OR5J2: variants seen among roughly 807,000 people sequenced by gnomAD.
OR5J2 encodes olfactory receptor 5J2.
Under a neutral mutation model 6.7 loss-of-function variants are expected in OR5J2, and 4 were observed. The observed-to-expected ratio is 0.60, with a 90% CI of 0.29 to 1.37. OR5J2 has a LOEUF of 1.37. OR5J2 is among the 40% of genes most tolerant of loss of function. The pLI is 0.09. For synonymous variants in OR5J2, 174 were observed against 140.4 expected, an observed-to-expected ratio of 1.24 and a Z score of -1.69; for missense variants, 415 against 366.4, an observed-to-expected ratio of 1.13 and a Z score of -1.08.
At position 56,177,547 on chromosome 11, in the gene OR5J2, CCT is replaced by C. The variant is rs765314988; in HGVS notation, c.933_934del (p.Cys312LeufsTer?). On this transcript the variant is annotated frameshift_variant, in exon 1 of 1. Coordinates refer to ENST00000312298, the MANE Select transcript of OR5J2 (RefSeq NM_001005492.1). LOFTEE classifies it high-confidence loss of function. ...AAAGGGCCATAGAAATGAAACATTT[CCT>C]CTGTTAATTTCAAGTCACTATTAAT... ...VKRAIEMKHF[L>X]C 3.3e-5 allele frequency: 52 copies of C among 1,584,192 alleles called. No individual in the cohort carries two copies. Among genetic ancestry groups the C allele is most frequent in the Non-Finnish European group, 3.9e-5 (45 of 1,167,690 alleles).
chr11:56,177,390 G>C lies in OR5J2; in HGVS notation c.773G>C (p.Ser258Thr), dbSNP rs779964381. Residue 258 changes from serine (S) to threonine (T), a missense_variant, in exon 1 of 1, where the codon AGC becomes ACC. Physicochemically the swap from Ser to Thr is moderately conservative, Grantham distance 58. Coordinates refer to ENST00000312298, the MANE Select transcript of OR5J2 (RefSeq NM_001005492.1). The part of the protein sequence containing the change: ...VTIFYGTLIF[S>T]YIQPSSQYFV... ...ATATTCTATGGTACCTTAATCTTTA[G>C]CTACATTCAGCCAAGCTCCCAGTAT... 6.2e-7 allele frequency: 1 copy of C among 1,614,026 alleles called. No individual in the cohort carries two copies. The highest frequency in any genetic ancestry group is 1.1e-5 in the South Asian group (1 of 91,078).
chr11:56,177,427 A>G lies in OR5J2; in HGVS notation c.810A>G (p.Gln270=). 1 of 1,614,022 alleles carries G rather than the reference A, an allele frequency of 6.2e-7. No homozygotes were observed. Among genetic ancestry groups the G allele is most frequent in the African/African-American group, 1.3e-5 (1 of 75,028 alleles). ...CAAGCTCCCAGTATTTTGTGGAACA[A>G]GAGAAAGTGGTTTCTATGTTCTATA... is the stretch of plus-strand genomic sequence containing the variant. ...IQPSSQYFVE[Q]EKVVSMFYTL... is the part of the protein sequence containing the mutation. The change falls in exon 1 of 1, where the codon CAA becomes CAG. Residue 270 remains glutamine, a synonymous_variant. Coordinates refer to ENST00000312298, the MANE Select transcript of OR5J2 (RefSeq NM_001005492.1).
Position 56,177,489 on chromosome 11 carries a change from G to A in OR5J2, c.872G>A (p.Ser291Asn). The A allele has an allele frequency of 2.5e-6, 4 of 1,612,428 alleles. No homozygotes were observed. The South Asian group carries it at 4.4e-5, about 18-fold the overall frequency. The change falls in exon 1 of 1, where the codon AGT becomes AAT. Residue 291 changes from serine (S) to asparagine (N), a missense_variant. Physicochemically the swap from Ser to Asn is conservative, Grantham distance 46 (BLOSUM62 1). Transcript: ENST00000312298. ...GIPMLNLLIH[S>N]LRNKDVKEAV... is the part of the protein sequence containing the mutation. Reference sequence around the variant, plus strand: ...CCCATGTTAAACCTGTTGATACACAGTTTGAGAAACAAGGACGTAAAGGAG... The same window carrying A: ...CCCATGTTAAACCTGTTGATACACAATTTGAGAAACAAGGACGTAAAGGAG...
Position 56,177,277 on chromosome 11 carries a change from C to A in OR5J2, c.660C>A (p.Phe220Leu), listed in dbSNP as rs766836725. Reference protein sequence around the residue: ...TFLTVIISYIFIAFASLRIHS... With the variant: ...TFLTVIISYILIAFASLRIHS... ...TGACTGTGATCATTTCCTACATCTTCATTGCTTTTGCTAGCCTAAGGATCC... is the reference window on the plus strand; with the variant it reads ...TGACTGTGATCATTTCCTACATCTTAATTGCTTTTGCTAGCCTAAGGATCC... Residue 220 changes from phenylalanine to leucine, a missense_variant, in exon 1 of 1, where the codon TTC becomes TTA. Physicochemically the swap from Phe to Leu is conservative, Grantham distance 22. Transcript: ENST00000312298. 2.5e-6 allele frequency: 4 copies of A among 1,614,092 alleles called. No homozygotes were observed. In the South Asian group the frequency reaches 3.3e-5, roughly 13 times the overall value.
chr11:56,177,182 T>G lies in OR5J2; in HGVS notation c.565T>G (p.Cys189Gly), dbSNP rs1852547877. Residue 189 changes from cysteine to glycine, a missense_variant, in exon 1 of 1, where the codon TGT becomes GGT. Cys to Gly is a radical substitution (Grantham distance 159). Transcript: ENST00000312298. ...CATTCCTTCACTGCTAAAGCTGTCA[T>G]GTTCTGACACCTCCATGAATGAGTT... is the stretch of plus-strand genomic sequence containing the variant. ...CDIPSLLKLS[C>G]SDTSMNELLL... The G allele has an allele frequency of 6.2e-7, 1 of 1,613,968 alleles. No homozygotes were observed. The highest frequency in any genetic ancestry group is 1.7e-5 in the Admixed American group (1 of 59,986).
chr11:56,176,998 G>A lies in OR5J2; in HGVS notation c.381G>A (p.Val127=), dbSNP rs4489763. 193,839 of 1,613,852 alleles carry A rather than the reference G, an allele frequency of 0.12. 12,488 individuals are homozygous for A. Among genetic ancestry groups the A allele is most frequent in the East Asian group, 0.13 (6,039 of 44,878 alleles). Residue 127 remains valine, a synonymous_variant, in exon 1 of 1, where the codon GTG becomes GTA. Coordinates refer to ENST00000312298, the MANE Select transcript of OR5J2 (RefSeq NM_001005492.1). The part of the protein sequence containing the change: ...VMAYDRYVAI[V]SPLLYTVAMS... ...CCTATGACCGCTATGTGGCCATTGT[G>A]AGTCCCTTGCTTTACACTGTAGCCA...
rs1317511301 is a variant in OR5J2, at chr11:56,176,635, T to C, written c.18T>C (p.Phe6=). 1.2e-6 allele frequency: 2 copies of C among 1,603,896 alleles called. No homozygotes were observed. The highest frequency in any genetic ancestry group is 1.7e-6 in the Non-Finnish European group (2 of 1,173,666). ...AGAAACATATGGCTGATGATAATTT[T>C]ACAGTTGTCACTGAGTTTATTCTTT... The part of the protein sequence containing the change: MADDN[F]TVVTEFILLG... The change falls in exon 1 of 1, where the codon TTT becomes TTC. Residue 6 remains phenylalanine (F), a synonymous_variant. Coordinates refer to ENST00000312298, the MANE Select transcript of OR5J2 (RefSeq NM_001005492.1).
rs1422500044 is a variant in OR5J2, at chr11:56,176,993, AT to A, written c.378del (p.Ile126MetfsTer2). On this transcript the variant is annotated frameshift_variant, in exon 1 of 1. Transcript: ENST00000312298. LOFTEE classifies it low-confidence loss of function (END_TRUNC). ...GATGGCCTATGACCGCTATGTGGCCATTGTGAGTCCCTTGCTTTACACTGTA... is the reference window on the plus strand; with the variant it reads ...GATGGCCTATGACCGCTATGTGGCCATGTGAGTCCCTTGCTTTACACTGTA... ...SVMAYDRYVA[I>X]VSPLLYTVAM... The A allele has an allele frequency of 6.2e-7, 1 of 1,614,120 alleles. No individual in the cohort carries two copies.
Position 56,177,542 on chromosome 11 carries a change from C to T in OR5J2, c.925C>T (p.His309Tyr), listed in dbSNP as rs139773791. 5.3e-4 allele frequency: 848 copies of T among 1,590,100 alleles called. 5 individuals are homozygous for T. In the Admixed American group the frequency reaches 0.011, roughly 20 times the overall value. The change falls in exon 1 of 1, where the codon CAT becomes TAT. Residue 309 changes from histidine to tyrosine, a missense_variant. His to Tyr is a moderately conservative substitution (Grantham distance 83). Coordinates refer to ENST00000312298, the MANE Select transcript of OR5J2 (RefSeq NM_001005492.1). ...EAVKRAIEMKHFLC is the reference protein window; with the variant it reads ...EAVKRAIEMKYFLC ...AGTGAAAAGGGCCATAGAAATGAAA[C>T]ATTTCCTCTGTTAATTTCAAGTCAC...
At position 56,176,722 on chromosome 11, in the gene OR5J2, C is replaced by T. The variant is rs75301276; in HGVS notation, c.105C>T (p.Tyr35=). 3,608 of 1,613,036 alleles carry T rather than the reference C, an allele frequency of 2.2e-3. 78 individuals are homozygous for T. In the African/African-American group the frequency reaches 0.042, roughly 19 times the overall value. ...AVLFVVFLVI[Y]AITLLRNLGM... is the part of the protein sequence containing the mutation. Reference sequence around the variant, plus strand: ...TTTTTGTGGTGTTCCTGGTGATTTACGCCATTACCTTGTTGAGGAATCTGG... The same window carrying T: ...TTTTTGTGGTGTTCCTGGTGATTTATGCCATTACCTTGTTGAGGAATCTGG... The change falls in exon 1 of 1, where the codon TAC becomes TAT. Residue 35 remains tyrosine, a synonymous_variant. Transcript: ENST00000312298.
Position 56,177,134 on chromosome 11 carries a change from G to T in OR5J2, c.517G>T (p.Ala173Ser), listed in dbSNP as rs149284707. Residue 173 changes from alanine (A) to serine (S), a missense_variant, in exon 1 of 1, where the codon GCT (alanine) becomes TCT (serine). Ala to Ser is a moderately conservative substitution (Grantham distance 99). Coordinates refer to ENST00000312298, the MANE Select transcript of OR5J2 (RefSeq NM_001005492.1). Reference sequence around the variant, plus strand: ...GAGACTGTCCTTTTGTAGGCTAAATGCTGTCAGCCACTTCTTCTGTGACAT... The same window carrying T: ...GAGACTGTCCTTTTGTAGGCTAAATTCTGTCAGCCACTTCTTCTGTGACAT... Reference protein sequence around the residue: ...LRRLSFCRLNAVSHFFCDIPS... With the variant: ...LRRLSFCRLNSVSHFFCDIPS... 6.2e-7 allele frequency: 1 copy of T among 1,614,112 alleles called. No individual in the cohort carries two copies. Among genetic ancestry groups the T allele is most frequent in the Admixed American group, 1.7e-5 (1 of 60,002 alleles).
In OR5J2 at chr11:56,176,931, G is replaced by T; in HGVS notation, c.314G>T (p.Gly105Val). Reference protein sequence around the residue: ...SACMVQHLCFGVFITTEGFLL... With the variant: ...SACMVQHLCFVVFITTEGFLL... Reference sequence around the variant, plus strand: ...TGCATGGTACAGCATTTGTGTTTCGGAGTGTTCATCACCACAGAAGGCTTC... The same window carrying T: ...TGCATGGTACAGCATTTGTGTTTCGTAGTGTTCATCACCACAGAAGGCTTC... The change falls in exon 1 of 1, where the codon GGA (glycine) becomes GTA (valine). Residue 105 changes from glycine to valine, a missense_variant. Gly to Val is a moderately radical substitution (Grantham distance 109). Coordinates refer to ENST00000312298, the MANE Select transcript of OR5J2 (RefSeq NM_001005492.1). 2 of 1,614,112 alleles carry T rather than the reference G, an allele frequency of 1.2e-6. No individual in the cohort carries two copies.
Position 56,177,428 on chromosome 11 carries a change from G to C in OR5J2, c.811G>C (p.Glu271Gln). Residue 271 changes from glutamate (E) to glutamine (Q), a missense_variant, in exon 1 of 1, where the codon GAG becomes CAG. By Grantham distance (29) the Glu-to-Gln change is conservative. Transcript: ENST00000312298. ...AAGCTCCCAGTATTTTGTGGAACAA[G>C]AGAAAGTGGTTTCTATGTTCTATAC... is the stretch of plus-strand genomic sequence containing the variant. Reference protein sequence around the residue: ...QPSSQYFVEQEKVVSMFYTLG... With the variant: ...QPSSQYFVEQQKVVSMFYTLG... 1 of 1,613,970 alleles carries C rather than the reference G, an allele frequency of 6.2e-7. No homozygotes were observed. The highest frequency in any genetic ancestry group is 1.7e-5 in the Admixed American group (1 of 60,012).
Position 56,177,314 on chromosome 11 carries a change from G to A in OR5J2, c.697G>A (p.Gly233Ser), listed in dbSNP as rs1473488068. 1 of 1,613,794 alleles carries A rather than the reference G, an allele frequency of 6.2e-7. No homozygotes were observed. Among genetic ancestry groups the A allele is most frequent in the African/African-American group, 1.3e-5 (1 of 74,886 alleles). The change falls in exon 1 of 1, where the codon GGC becomes AGC. Residue 233 changes from glycine to serine, a missense_variant. Coordinates refer to ENST00000312298, the MANE Select transcript of OR5J2 (RefSeq NM_001005492.1). The part of the protein sequence containing the change: ...FASLRIHSAS[G>S]RQQAFSTCAS... ...TAGCCTAAGGATCCACTCAGCATCA[G>A]GCAGACAGCAAGCCTTCTCCACCTG...
rs754686350 is a variant in OR5J2 at position 56,177,175 on chromosome 11, G to T, written c.558G>T (p.Lys186Asn). The T allele has an allele frequency of 2.1e-5, 34 of 1,613,970 alleles. No individual in the cohort carries two copies. The highest frequency in any genetic ancestry group is 1.2e-4 in the South Asian group (11 of 91,086). The change falls in exon 1 of 1, where the codon AAG becomes AAT. Residue 186 changes from lysine to asparagine, a missense_variant. By Grantham distance (94) the Lys-to-Asn change is moderately conservative. Coordinates refer to ENST00000312298, the MANE Select transcript of OR5J2 (RefSeq NM_001005492.1). ...TCTGTGACATTCCTTCACTGCTAAAGCTGTCATGTTCTGACACCTCCATGA... is the reference window on the plus strand; with the variant it reads ...TCTGTGACATTCCTTCACTGCTAAATCTGTCATGTTCTGACACCTCCATGA... The part of the protein sequence containing the change: ...HFFCDIPSLL[K>N]LSCSDTSMNE...
rs1407262486 is a variant in OR5J2 at position 56,176,825 on chromosome 11, G to T, written c.208G>T (p.Asp70Tyr). The change falls in exon 1 of 1, where the codon GAT (aspartate) becomes TAT (tyrosine). Residue 70 changes from aspartate to tyrosine, a missense_variant. Physicochemically the swap from Asp to Tyr is radical, Grantham distance 160. Transcript: ENST00000312298. ...TTTACTCAGCTGTCTTTCATTTGTG[G>T]ATGCCTGCTATTCATCTGCAATTGC... ...YFLLSCLSFV[D>Y]ACYSSAIAPK... 4 of 1,614,018 alleles carry T rather than the reference G, an allele frequency of 2.5e-6. No individual in the cohort carries two copies. In the Admixed American group the frequency reaches 6.7e-5, roughly 27 times the overall value.
rs1204946321 is a variant in OR5J2, at chr11:56,176,700, T to C, written c.83T>C (p.Phe28Ser). The C allele has an allele frequency of 6.2e-7, 1 of 1,614,078 alleles. No homozygotes were observed. The highest frequency in any genetic ancestry group is 1.1e-5 in the South Asian group (1 of 91,078). ...CATGCTGAACTAAAAGCTGTGCTTT[T>C]TGTGGTGTTCCTGGTGATTTACGCC... ...TDHAELKAVL[F>S]VVFLVIYAIT... Residue 28 changes from phenylalanine to serine, a missense_variant, in exon 1 of 1, where the codon TTT becomes TCT. Phe to Ser is a radical substitution (Grantham distance 155). Coordinates refer to ENST00000312298, the MANE Select transcript of OR5J2 (RefSeq NM_001005492.1).
chr11:56,177,402 C>T lies in OR5J2; in HGVS notation c.785C>T (p.Pro262Leu), dbSNP rs1852554475. The change falls in exon 1 of 1, where the codon CCA (proline) becomes CTA (leucine). Residue 262 changes from proline (P) to leucine (L), a missense_variant. By Grantham distance (98) the Pro-to-Leu change is moderately conservative. Coordinates refer to ENST00000312298, the MANE Select transcript of OR5J2 (RefSeq NM_001005492.1). ...YGTLIFSYIQ[P>L]SSQYFVEQEK... The stretch of plus-strand genomic sequence containing the variant: ...ACCTTAATCTTTAGCTACATTCAGC[C>T]AAGCTCCCAGTATTTTGTGGAACAA... The T allele has an allele frequency of 1.2e-6, 2 of 1,613,940 alleles. No homozygotes were observed. Among genetic ancestry groups the T allele is most frequent in the Non-Finnish European group, 1.7e-6 (2 of 1,179,986 alleles).
rs767303798 is a variant in OR5J2, at chr11:56,177,232, C to T, written c.615C>T (p.Val205=). 2.5e-6 allele frequency: 4 copies of T among 1,614,026 alleles called. No homozygotes were observed. In the South Asian group the frequency reaches 3.3e-5, roughly 13 times the overall value. The change falls in exon 1 of 1, where the codon GTC becomes GTT. Residue 205 remains valine (V), a synonymous_variant. Transcript: ENST00000312298. ...TGTTGCTGTTAACCTTCTCCGGAGT[C>T]ATTGCCATGGCCACCTTCTTGACTG... ...NELLLLTFSG[V]IAMATFLTVI...
Sources: gnomAD v4.1 joint callset for allele counts on GRCh38, gnomAD v4.1.1 for gene constraint, MANE v1.5 for transcripts, NCBI Gene and HGNC (gene_info 2026-07-23, HGNC 2026-07-21) for gene names.